The following ATRX variants were observed in gnomAD, a reference collection of about 807,000 sequenced individuals.
The protein encoded by ATRX is chromatin remodeler ATRX.
In ATRX, 12 loss-of-function variants were observed where a neutral mutation model predicts 172.6. The observed-to-expected ratio is 0.07, with a 90% CI of 0.04 to 0.11. The LOEUF (loss-of-function observed/expected upper bound fraction) is 0.11. Ranked by LOEUF, ATRX falls within the 10% of genes least tolerant of loss-of-function variation. The pLI is 1.00. For missense variants in ATRX, 1,368 were observed against 1,767.4 expected (o/e 0.77, Z 4.05); for synonymous variants, 674 against 594.7 (o/e 1.13, Z -1.94).
chrX:77,525,850 A>G (rs782331987), intron 30 of ATRX, among the ~76,000 whole-genome samples: 40 of 112,601 alleles, frequency 3.6e-4, no homozygotes, highest in African/African-American at 1.2e-3. Flanking sequence ...CAAGTGTGGT[A>G]TTTATTTCTC....
chrX:77,551,059 C>T (rs1602497818), intron 30 of ATRX, among the ~76,000 whole-genome samples: 1 of 111,489 alleles, frequency 9.0e-6, no homozygotes, highest in Non-Finnish European at 1.9e-5. Context: ...TTTAAAGATT[C>T]AATGCCATCC....
intron 1 of ATRX, among the ~76,000 whole-genome samples, chrX:77,717,675 T>C (rs1350174150): frequency 1.8e-5 from 2 of 110,259 alleles, no homozygotes; most frequent in Non-Finnish European, 3.8e-5. Context: ...ACCTGTACAC[T>C]TACCTAGGAT....
chrX:77,750,838 GT>G (rs1557187243), intron 1 of ATRX, among the ~76,000 whole-genome samples: 1 of 111,404 alleles, frequency 9.0e-6, no homozygotes, highest in Non-Finnish European at 1.9e-5. Context: ...CTTCATCCAT[GT>G]ACCTGCAAAA....
chrX:77,750,997 C>T (rs2075280456), intron 1 of ATRX, among the ~76,000 whole-genome samples: 1 of 111,882 alleles, frequency 8.9e-6, no homozygotes, highest in African/African-American at 3.2e-5. Flanking sequence ...CATACAGGTA[C>T]ATGTGTCTTT....
At chrX:77,568,538 T>C (rs782625314) in intron 28 of ATRX, among the ~76,000 whole-genome samples, 45 of 112,004 alleles carry the variant, frequency 4.0e-4, no homozygotes, top group African/African-American at 1.5e-3. Context: ...CACTGGCAAA[T>C]TTTACCAAAC....
At chrX:77,733,876 TCA>T (rs1480951884) in intron 1 of ATRX, among the ~76,000 whole-genome samples, 18 of 103,820 alleles carry the variant, frequency 1.7e-4, no homozygotes, top group Non-Finnish European at 2.9e-4. Flanking sequence ...ACAGTGAGAC[TCA>T]CTCTCAGAAA....
chrX:77,669,038 G>C (rs1437635577), intron 10 of ATRX, among the ~76,000 whole-genome samples: 1 of 111,341 alleles, frequency 9.0e-6, no homozygotes, highest in African/African-American at 3.3e-5. Context: ...CCTGCACCAG[G>C]GAGCTTTCGA....
intron 9 of ATRX, among the ~76,000 whole-genome samples, chrX:77,676,883 A>C (rs965900626): frequency 8.9e-6 from 1 of 112,225 alleles, no homozygotes; most frequent in African/African-American, 3.2e-5. Context: ...GCACTTTGGG[A>C]AGCCAAGGCA....
Position 77,520,731 on chromosome X carries a change from T to C in ATRX, c.7200+57A>G, listed in dbSNP as rs2063202679. ...TGACGTAGATGTCATACAAACTTAT[T>C]ATAAAGTCAAGAAAATTAAACATAA... On this transcript the variant is annotated intron_variant, in intron 34 of 34. Coordinates refer to ENST00000373344, the MANE Select transcript of ATRX (RefSeq NM_000489.6). 4.1e-5 allele frequency: 48 copies of C among 1,160,035 alleles called. No individual in the cohort carries two copies. The South Asian group carries it at 8.2e-4, about 20-fold the overall frequency.
At chrX:77,677,135 GA>G (rs1341355872) in intron 9 of ATRX, among the ~76,000 whole-genome samples, 6 of 110,148 alleles carry the variant, frequency 5.4e-5, no homozygotes, top group Non-Finnish European at 1.1e-4. Flanking sequence ...AAAATCTAAA[GA>G]GGTTAAGATT....
chrX:77,733,708 A>T lies in ATRX; in HGVS notation c.21-16465T>A, dbSNP rs1422178145. Among the ~76,000 whole-genome samples, 37 of 28,801 alleles carry T rather than the reference A, an allele frequency of 1.3e-3. No homozygotes were observed. The East Asian group carries it at 0.034, about 26-fold the overall frequency. The allele number at this position is 28,801 out of a possible 115,157, so 25.0% of individuals were successfully genotyped here. A position where few individuals can be genotyped will look rare whatever the true frequency, so the allele number is the denominator to read the frequency against. ...ACAGGGTGAAACCCCATCTATGCTA[A>T]AAAAAAAAAAAAAAAAAAAAAAAAA... On this transcript the variant is annotated intron_variant, in intron 1 of 34. Coordinates refer to ENST00000373344, the MANE Select transcript of ATRX (RefSeq NM_000489.6).
At position 77,684,335 on chromosome X, in the gene ATRX, T is replaced by C; in HGVS notation, c.921A>G (p.Lys307=). 1 of 1,209,142 alleles carries C rather than the reference T, an allele frequency of 8.3e-7. No individual in the cohort carries two copies. The highest frequency in any genetic ancestry group is 1.1e-6 in the Non-Finnish European group (1 of 893,136). ...AAAATCTGGATGTATGTTCATATAC[T>C]TTATTACTCTTTTCACTGTCAACTT... is the stretch of plus-strand genomic sequence containing the variant. ...KIKVDSEKSN[K]VYEHTSRFSP... is the part of the protein sequence containing the mutation. The change falls in exon 9 of 35, where the codon AAA becomes AAG. Residue 307 remains lysine, a synonymous_variant. Coordinates refer to ENST00000373344, the MANE Select transcript of ATRX (RefSeq NM_000489.6).
chrX:77,785,731 G>C (rs905266982), intron 1 of ATRX: 1 of 672,681 alleles, frequency 1.5e-6, no homozygotes, highest in Non-Finnish European at 1.9e-6. Context: ...CCGTTTAGGG[G>C]AGATTGCAAG....
At chrX:77,780,720 C>T (rs1237011292) in intron 1 of ATRX, among the ~76,000 whole-genome samples, 2 of 109,218 alleles carry the variant, frequency 1.8e-5, no homozygotes, top group Admixed American at 9.7e-5. Context: ...GCAGGAGGAT[C>T]GCTTAAGTCC....
At chrX:77,677,266 C>A (rs1557134149) in intron 9 of ATRX, among the ~76,000 whole-genome samples, 1 of 111,630 alleles carries the variant, frequency 9.0e-6, no homozygotes, top group Non-Finnish European at 1.9e-5. Flanking sequence ...ACCGTTTAAT[C>A]TGAAATGCAT....
At chrX:77,713,297 T>C (rs184919092) in intron 2 of ATRX, among the ~76,000 whole-genome samples, 1 of 111,580 alleles carries the variant, frequency 9.0e-6, no homozygotes, top group Non-Finnish European at 1.9e-5. Context: ...CTCATGAAAA[T>C]ATAAAACATA....
At chrX:77,612,499 T>C (rs782560588) in intron 22 of ATRX, among the ~76,000 whole-genome samples, 7 of 110,550 alleles carry the variant, frequency 6.3e-5, no homozygotes, top group Non-Finnish European at 1.3e-4. Flanking sequence ...GATGGCTTGA[T>C]AGGTACAGCA....
At chrX:77,609,240 C>T (rs1224297952) in intron 22 of ATRX, among the ~76,000 whole-genome samples, 1 of 111,654 alleles carries the variant, frequency 9.0e-6, no homozygotes, top group Non-Finnish European at 1.9e-5. Flanking sequence ...TGGATATATA[C>T]TCAGAAGAAA....
intron 30 of ATRX, among the ~76,000 whole-genome samples, chrX:77,552,517 C>T (rs1318029754): frequency 9.3e-6 from 1 of 107,860 alleles, no homozygotes; most frequent in East Asian, 3.0e-4. Context: ...ACCTAGACGA[C>T]GAGTTAATGG....
Sources: allele counts gnomAD v4.1 joint callset (sites outside exome capture counted in the v4.1 genomes callset), GRCh38; gene constraint gnomAD v4.1.1; transcripts MANE v1.5; gene names NCBI Gene and HGNC (gene_info 2026-07-23, HGNC 2026-07-21).